TBC1D31: variants seen among roughly 807,000 people sequenced by gnomAD.
The protein encoded by TBC1D31 is WD repeat domain 67.
Under a neutral mutation model 132.9 loss-of-function variants are expected in TBC1D31, and 99 were observed. That is an observed-to-expected ratio of 0.74 (90% CI 0.63 to 0.88). TBC1D31 has a LOEUF of 0.88. Among genes scored for constraint, TBC1D31 ranks in the 40% least tolerant of loss-of-function variants. The pLI is 0.00. For synonymous variants in TBC1D31, 385 were observed against 419.4 expected, an observed-to-expected ratio of 0.92 and a Z score of 1.00; for missense variants, 1,134 against 1,256.6, an observed-to-expected ratio of 0.90 and a Z score of 1.48.
intron 1 of TBC1D31, among the ~76,000 whole-genome samples, chr8:123,074,547 C>G (rs1339731912): frequency 2.0e-5 from 3 of 152,154 alleles, no homozygotes; most frequent in Non-Finnish European, 4.4e-5. Flanking sequence ...TCTAAACATT[C>G]TAAAAGTTAT....
chr8:123,152,359 C>T (rs558472062), downstream of TBC1D31, among the ~76,000 whole-genome samples: 27 of 152,248 alleles, frequency 1.8e-4, no homozygotes, highest in Admixed American at 8.5e-4. Flanking sequence ...TGCCCACCCC[C>T]GCCTCTGCCA....
At chr8:123,108,774 A>G (rs994113344) in intron 8 of TBC1D31, among the ~76,000 whole-genome samples, 2 of 152,212 alleles carry the variant, frequency 1.3e-5, no homozygotes, top group African/African-American at 2.4e-5. Flanking sequence ...ATTGACTCAC[A>G]GTTCCACATG....
In TBC1D31 at chr8:123,129,302, A is replaced by T. The variant is rs138053014; in HGVS notation, c.2270+84A>T. On this transcript the variant is annotated intron_variant, in intron 15 of 21. Transcript: ENST00000287380. Reference sequence around the variant, plus strand: ...TGTTCTTTCATTTTTTCATTTTAGAAACAACATTATATATAGGATTACCCA... The same window carrying T: ...TGTTCTTTCATTTTTTCATTTTAGATACAACATTATATATAGGATTACCCA... 5.3e-4 allele frequency: 508 copies of T among 959,648 alleles called. 2 individuals carry two copies. In the African/African-American group the frequency reaches 7.5e-3, roughly 14 times the overall value. 59.4% of individuals were successfully genotyped at this position (959,648 alleles called of 1,614,324 possible).
intron 7 of TBC1D31, chr8:123,102,378 A>T (rs1817522290): frequency 5.7e-6 from 2 of 353,482 alleles, no homozygotes; most frequent in Non-Finnish European, 1.1e-5. Flanking sequence ...TCTAAAAAAA[A>T]GTTTGTGCCT....
chr8:123,073,709 G>C (rs1586524490), intron 1 of TBC1D31, among the ~76,000 whole-genome samples: 1 of 152,258 alleles, frequency 6.6e-6, no homozygotes, highest in East Asian at 1.9e-4. Flanking sequence ...TCTTTGAGAC[G>C]GAGTCTTGCT....
At chr8:123,120,895 A>G (rs1041016025) in intron 11 of TBC1D31, among the ~76,000 whole-genome samples, 1 of 150,744 alleles carries the variant, frequency 6.6e-6, no homozygotes, top group African/African-American at 2.4e-5. Context: ...TTTATTGGCT[A>G]TTATTACATA....
intron 8 of TBC1D31, among the ~76,000 whole-genome samples, chr8:123,108,369 A>C (rs1275453396): frequency 6.6e-6 from 1 of 152,192 alleles, no homozygotes; most frequent in African/African-American, 2.4e-5. Flanking sequence ...AATTGACTTT[A>C]AAGTCTTAGA....
rs564788738 is a variant in TBC1D31, at chr8:123,109,345, A to G, written c.1238A>G (p.Lys413Arg). 105 of 1,603,544 alleles carry G rather than the reference A, an allele frequency of 6.5e-5. 1 individual carries two copies. The South Asian group carries it at 1.2e-3, about 18-fold the overall frequency. Residue 413 changes from lysine to arginine, a missense_variant, in exon 9 of 22, where the codon AAG becomes AGG. By Grantham distance (26) the Lys-to-Arg change is conservative (BLOSUM62 2). Transcript: ENST00000287380. ...KNELPDGLNK[K>R]RLQILLKGYG... ...GAATTACCAGATGGATTAAACAAAA[A>G]GCGTTTACAAATCTTATTAAAAGGC...
the TBC1D31 span, among the ~76,000 whole-genome samples, chr8:123,158,705 G>A: frequency 1.3e-5 from 2 of 152,266 alleles, no homozygotes; most frequent in African/African-American, 4.8e-5. Context: ...AAGCAGGTAG[G>A]GACATACCAT....
At chr8:123,083,994 T>C in intron 3 of TBC1D31, 168 bp from the exon 4 acceptor site, 2 of 596,798 alleles carry the variant, frequency 3.4e-6, no homozygotes, top group South Asian at 4.4e-5. Context: ...TGTTCCGTCA[T>C]ACACTTTATC....
At chr8:123,150,524 C>A (rs1353920908) in intron 21 of TBC1D31, among the ~76,000 whole-genome samples, 1 of 152,212 alleles carries the variant, frequency 6.6e-6, no homozygotes, top group Non-Finnish European at 1.5e-5. Context: ...TTTCTTGACT[C>A]TGTTCATTTG....
In TBC1D31 at chr8:123,130,289, C is replaced by T; in HGVS notation, c.2362C>T (p.Gln788Ter). Residue 788 changes from glutamine to a stop codon, truncating the protein, a stop_gained, in exon 16 of 22, where the codon CAG becomes TAG. Transcript: ENST00000287380. LOFTEE classifies it high-confidence loss of function. Reference protein sequence around the residue: ...RRFLKLQQDQQEMELRRLDDE... With the variant: ...RRFLKLQQDQ ...TTTTCTGAAGCTTCAGCAAGATCAA[C>T]AGGAAATGGAACTAAGAAGACTGGA... 1 of 1,613,072 alleles carries T rather than the reference C, an allele frequency of 6.2e-7. No individual in the cohort carries two copies. Among genetic ancestry groups the T allele is most frequent in the Non-Finnish European group, 8.5e-7 (1 of 1,179,492 alleles).
rs1423731038 is a variant in TBC1D31, at chr8:123,100,887, C to T, written c.912C>T (p.Ser304=). The change falls in exon 7 of 22, where the codon AGC becomes AGT. Residue 304 remains serine (S), a synonymous_variant. Transcript: ENST00000287380. ...QTCKLLFEIG[S]LDEGISSSAI... is the part of the protein sequence containing the mutation. ...GTAAACTTCTCTTTGAGATTGGGAG[C>T]CTCGATGAAGGAATTAGCTCATCAG... is the stretch of plus-strand genomic sequence containing the variant. 6.2e-7 allele frequency: 1 copy of T among 1,613,758 alleles called. No homozygotes were observed. The highest frequency in any genetic ancestry group is 8.5e-7 in the Non-Finnish European group (1 of 1,179,802).
chr8:123,122,947 C>G (rs907744026), intron 11 of TBC1D31, among the ~76,000 whole-genome samples: 2 of 152,090 alleles, frequency 1.3e-5, no homozygotes, highest in Non-Finnish European at 2.9e-5. Flanking sequence ...ACTCAATAAA[C>G]ATTTATTAAA....
intron 16 of TBC1D31, among the ~76,000 whole-genome samples, chr8:123,130,873 T>C (rs1384139244): frequency 2.0e-5 from 3 of 151,608 alleles, no homozygotes; most frequent in Non-Finnish European, 4.4e-5. Flanking sequence ...CTGCCCACCT[T>C]GGCCTCCCAA....
At chr8:123,156,783 A>G (rs1465005731), downstream of TBC1D31, among the ~76,000 whole-genome samples, 1 of 152,050 alleles carries the variant, frequency 6.6e-6, no homozygotes, top group Non-Finnish European at 1.5e-5. Context: ...TCTCTCATCA[A>G]TGCTGCCTAC....
At chr8:123,157,572 G>A in the TBC1D31 span, among the ~76,000 whole-genome samples, 2 of 152,270 alleles carry the variant, frequency 1.3e-5, no homozygotes, top group African/African-American at 4.8e-5. Context: ...CAAACCGTTT[G>A]CACACTCGTG....
chr8:123,086,573 C>G (rs1815775665), intron 4 of TBC1D31, among the ~76,000 whole-genome samples: 2 of 152,056 alleles, frequency 1.3e-5, no homozygotes, highest in African/African-American at 4.8e-5. Context: ...CCTCCAAGTC[C>G]CCATATCCAA....
At chr8:123,144,383 A>G (rs1303235463) in intron 19 of TBC1D31, among the ~76,000 whole-genome samples, 1 of 152,236 alleles carries the variant, frequency 6.6e-6, no homozygotes, top group Admixed American at 6.5e-5. Context: ...ATAAAATGCA[A>G]TTGCCACTAA....
Sources: allele counts gnomAD v4.1 joint callset (sites outside exome capture counted in the v4.1 genomes callset), GRCh38; gene constraint gnomAD v4.1.1; transcripts MANE v1.5; gene names NCBI Gene and HGNC (gene_info 2026-07-23, HGNC 2026-07-21).